Variants in ZMYM6 observed in about 807,000 individuals in gnomAD.
ZMYM6 encodes the protein zinc finger MYM-type protein 6.
In ZMYM6, 90 loss-of-function variants were observed where a neutral mutation model predicts 134.0. The ratio of observed to expected loss-of-function variants is 0.67; its 90% CI spans 0.57 to 0.80. The LOEUF (loss-of-function observed/expected upper bound fraction) is 0.80. Ranked by LOEUF, ZMYM6 falls within the 30% of genes least tolerant of loss-of-function variation. The pLI is 0.00. For synonymous variants in ZMYM6, 481 were observed against 524.1 expected (o/e 0.92, Z 1.12); for missense variants, 1,362 against 1,533.9 (o/e 0.89, Z 1.87).
At chr1:35,019,906 G>C (rs1329164840) in intron 3 of ZMYM6, among the ~76,000 whole-genome samples, 1 of 152,042 alleles carries the variant, frequency 6.6e-6, no homozygotes, top group Admixed American at 6.6e-5. Flanking sequence ...CTGAGCTCAA[G>C]CGATCCTCCT....
intron 14 of ZMYM6, among the ~76,000 whole-genome samples, chr1:34,995,116 T>C (rs2148444710): frequency 7.0e-6 from 1 of 142,100 alleles, no homozygotes; most frequent in African/African-American, 2.7e-5. Context: ...TAAGTATATA[T>C]GTATACATAT....
intron 12 of ZMYM6, among the ~76,000 whole-genome samples, chr1:35,005,818 A>T (rs1198244630): frequency 6.6e-6 from 1 of 152,198 alleles, no homozygotes; most frequent in Non-Finnish European, 1.5e-5. Flanking sequence ...CATATTATAA[A>T]ATGAATATTC....
rs142553064 is a variant in ZMYM6, at chr1:35,007,218, G to T, written c.1666-120C>A. 9.0e-4 allele frequency: 849 copies of T among 944,266 alleles called. 14 individuals are homozygous for T. The East Asian group carries it at 0.022, about 24-fold the overall frequency. 58.5% of individuals were successfully genotyped at this position (944,266 alleles called of 1,614,324 possible). A position where few individuals can be genotyped will look rare whatever the true frequency, so the allele number is the denominator to read the frequency against. On this transcript the variant is annotated intron_variant, in intron 11 of 15. Transcript: ENST00000357182. ...TATGAGTCAGTTGAGACTACAAAAT[G>T]TAAGGTTCTTACCTTAAAATACTGA...
At chr1:35,000,098 A>C (rs1037490126) in intron 14 of ZMYM6, among the ~76,000 whole-genome samples, 3 of 151,256 alleles carry the variant, frequency 2.0e-5, no homozygotes, top group African/African-American at 7.3e-5. Flanking sequence ...ATACCCAGCT[A>C]ATTTTTTGGT....
At chr1:34,991,473 T>C (rs1430029262) in intron 15 of ZMYM6, among the ~76,000 whole-genome samples, 1 of 151,842 alleles carries the variant, frequency 6.6e-6, no homozygotes, top group Non-Finnish European at 1.5e-5. Context: ...AAATTATTAT[T>C]AAAAACAAAA....
At position 35,020,439 on chromosome 1, in the gene ZMYM6, GT is replaced by G; in HGVS notation, c.121del (p.Thr41LeufsTer6). ...QEYGCVQQPK[T>X]QESKLKIGGV... The stretch of plus-strand genomic sequence containing the variant: ...ACCAATTTTCAATTTACTTTCTTGA[GT>G]TTTTGGCTGTTGGACACATCCATAC... On this transcript the variant is annotated frameshift_variant, in exon 3 of 16. Coordinates refer to ENST00000357182, the MANE Select transcript of ZMYM6 (RefSeq NM_007167.4). LOFTEE classifies it high-confidence loss of function. 1.2e-6 allele frequency: 2 copies of G among 1,606,906 alleles called. No individual in the cohort carries two copies. Among genetic ancestry groups the G allele is most frequent in the African/African-American group, 1.4e-5 (1 of 73,378 alleles).
At chr1:34,997,881 C>T (rs79016347) in intron 14 of ZMYM6, among the ~76,000 whole-genome samples, 2,986 of 152,228 alleles carry the variant, frequency 0.02, 102 homozygotes, top group African/African-American at 0.068. Context: ...TCTATATTTT[C>T]TTCCATATGT....
chr1:35,010,958 A>C lies in ZMYM6; in HGVS notation c.1141T>G (p.Ser381Ala), dbSNP rs1469555090. Residue 381 changes from serine to alanine, a missense_variant, in exon 9 of 16, where the codon TCC becomes GCC. Ser to Ala is a moderately conservative substitution (Grantham distance 99, BLOSUM62 1). This residue lies in a region of ZMYM6 where 503 missense variants were observed against 520.8 expected (regional missense o/e 0.97). Coordinates refer to ENST00000357182, the MANE Select transcript of ZMYM6 (RefSeq NM_007167.4). ...SQGQVVVSPPSSRSAVSIGGG... is the reference protein window; with the variant it reads ...SQGQVVVSPPASRSAVSIGGG... ...CCTATTGACACTGCTGACCTGGAGG[A>C]GGGCGGGCTTACAACCACTTGGCCC... 1 of 1,613,496 alleles carries C rather than the reference A, an allele frequency of 6.2e-7. No homozygotes were observed. The highest frequency in any genetic ancestry group is 8.5e-7 in the Non-Finnish European group (1 of 1,179,820).
intron 14 of ZMYM6, among the ~76,000 whole-genome samples, chr1:34,993,408 G>T (rs984689407): frequency 6.6e-6 from 1 of 152,154 alleles, no homozygotes; most frequent in African/African-American, 2.4e-5. Context: ...ACCACTCCCA[G>T]CTGGGATCAC....
chr1:35,027,401 T>C (rs1429172751), intron 2 of ZMYM6, among the ~76,000 whole-genome samples: 1 of 152,164 alleles, frequency 6.6e-6, no homozygotes, highest in Non-Finnish European at 1.5e-5. Context: ...TGATGGGATA[T>C]GTGACTGAAG....
At chr1:35,008,598 G>C (rs1429834191) in intron 11 of ZMYM6, among the ~76,000 whole-genome samples, 154 bp downstream of exon 11, 1 of 152,092 alleles carries the variant, frequency 6.6e-6, no homozygotes, top group Non-Finnish European at 1.5e-5. Context: ...AAGATTTCCT[G>C]TTTATATTCA....
chr1:35,019,252 T>C, intron 4 of ZMYM6, 101 bp downstream of exon 4: 1 of 1,508,930 alleles, frequency 6.6e-7, no homozygotes, highest in Non-Finnish European at 9.0e-7. Flanking sequence ...TTTCTACAGA[T>C]ACATGCTGAA....
intron 11 of ZMYM6, 70 bp downstream of exon 11, chr1:35,008,682 G>C: frequency 6.6e-7 from 1 of 1,515,726 alleles, no homozygotes; most frequent in East Asian, 2.3e-5. Flanking sequence ...CACATAATTT[G>C]AATACATTTT....
chr1:34,997,575 GA>G (rs1640805651), intron 14 of ZMYM6, among the ~76,000 whole-genome samples: 1 of 152,122 alleles, frequency 6.6e-6, no homozygotes, highest in South Asian at 2.1e-4. Context: ...AAAGTGTTGG[GA>G]TTACAGGCAT....
At chr1:35,008,682 G>T in intron 11 of ZMYM6, 70 bp downstream of exon 11, 2 of 1,515,726 alleles carry the variant, frequency 1.3e-6, no homozygotes, top group South Asian at 1.3e-5. Context: ...CACATAATTT[G>T]AATACATTTT....
intron 2 of ZMYM6, among the ~76,000 whole-genome samples, chr1:35,028,650 C>T (rs1641459978): frequency 6.6e-6 from 1 of 151,686 alleles, no homozygotes; most frequent in Admixed American, 6.6e-5. Context: ...CAGGCGCCCA[C>T]CACCACGCCC....
chr1:35,030,724 TACTC>T lies in ZMYM6; in HGVS notation c.-74-15_-74-12del. 7.8e-7 allele frequency: 1 copy of T among 1,278,110 alleles called. No homozygotes were observed. Among genetic ancestry groups the T allele is most frequent in the Non-Finnish European group, 1.1e-6 (1 of 904,638 alleles). The allele number at this position is 1,278,110 out of a possible 1,614,324, so 79.2% of individuals were successfully genotyped here. ...TGGATAGTTGGACACCTAAAATACA[TACTC>T]AGGCTTATTCTTTTTTCTTCAGGCT... On this transcript the variant is annotated splice_polypyrimidine_tract_variant and intron_variant, in intron 1 of 15. Transcript: ENST00000357182.
chr1:35,015,207 A>G, intron 4 of ZMYM6, 45 bp from the exon 5 acceptor site: 5 of 1,495,810 alleles, frequency 3.3e-6, no homozygotes, highest in Non-Finnish European at 4.5e-6. Flanking sequence ...ATTCTTCACA[A>G]CTGTAACTTC....
At chr1:35,017,482 ATAATG>A (rs1641225496) in intron 4 of ZMYM6, 1 of 151,802 alleles carries the variant, frequency 6.6e-6, no homozygotes, top group Non-Finnish European at 1.5e-5. Flanking sequence ...GAATGACTTT[ATAATG>A]AAAATCTGTG....
Sources: allele counts gnomAD v4.1 joint callset (sites outside exome capture counted in the v4.1 genomes callset), GRCh38; gene constraint gnomAD v4.1.1; regional missense constraint gnomAD v4.1.1; transcripts MANE v1.5; gene names NCBI Gene and HGNC (gene_info 2026-07-23, HGNC 2026-07-21).